SPTBN1: variants seen among roughly 807,000 people sequenced by gnomAD.
SPTBN1 encodes spectrin beta, non-erythrocytic 1.
A neutral mutation model predicts 266.4 loss-of-function variants in SPTBN1; 32 were observed. The observed-to-expected ratio is 0.12, with a 90% CI of 0.09 to 0.16. The LOEUF is 0.16. Among genes scored for constraint, SPTBN1 ranks in the 10% least tolerant of loss-of-function variants. The probability of loss-of-function intolerance (pLI) is 1.00; values close to 1 mark genes in which losing one functional copy is unlikely to be tolerated. For synonymous variants in SPTBN1, 1,336 were observed against 1,162.2 expected (o/e 1.15, Z -3.04); for missense variants, 2,296 against 3,067.1 (o/e 0.75, Z 5.94).
At chr2:54,544,792 T>G (rs952298595) in intron 2 of SPTBN1, among the ~76,000 whole-genome samples, 6 of 152,218 alleles carry the variant, frequency 3.9e-5, no homozygotes, top group Non-Finnish European at 7.3e-5. Context: ...TATTTTTTAT[T>G]ATACTTTAAG....
chr2:54,471,795 T>A (rs1693931284), intron 1 of SPTBN1, among the ~76,000 whole-genome samples: 2 of 123,592 alleles, frequency 1.6e-5, no homozygotes, highest in African/African-American at 3.2e-5. Flanking sequence ...TCCTCTTTTT[T>A]ATCGATTTTT....
chr2:54,614,329 C>T (rs1231995191), intron 4 of SPTBN1, among the ~76,000 whole-genome samples: 8 of 152,140 alleles, frequency 5.3e-5, no homozygotes, highest in East Asian at 3.8e-4. Flanking sequence ...GTACCTACAA[C>T]GGTCTCTCCT....
chr2:54,575,758 T>G (rs1674416766), intron 2 of SPTBN1, among the ~76,000 whole-genome samples: 1 of 152,244 alleles, frequency 6.6e-6, no homozygotes, highest in South Asian at 2.1e-4. Context: ...AGGCTCAGTT[T>G]CGATGTATCG....
At chr2:54,486,358 T>TC (rs1447046581) in intron 1 of SPTBN1, among the ~76,000 whole-genome samples, 6 of 152,094 alleles carry the variant, frequency 3.9e-5, no homozygotes, top group African/African-American at 1.4e-4. Flanking sequence ...GGGAGACTTT[T>TC]CATTTTGTTC....
Position 54,649,971 on chromosome 2 carries a change from C to T in SPTBN1, c.5559C>T (p.Ile1853=), listed in dbSNP as rs11541290. The T allele has an allele frequency of 1.2e-6, 2 of 1,609,406 alleles. No homozygotes were observed. The highest frequency in any genetic ancestry group is 1.7e-6 in the Non-Finnish European group (2 of 1,177,048). The change falls in exon 26 of 36, where the codon ATC becomes ATT. Residue 1853 remains isoleucine, a synonymous_variant. Transcript: ENST00000356805. The surrounding 1 kb of genome is among the most constrained non-coding windows in gnomAD (Gnocchi z 6.7). ...QRMHTTFEHD[I]QALGTQVRQL... Reference sequence around the variant, plus strand: ...TGCACACTACATTTGAGCATGACATCCAGGCTCTGGGCACACAGGTGGGTA... The same window carrying T: ...TGCACACTACATTTGAGCATGACATTCAGGCTCTGGGCACACAGGTGGGTA...
chr2:54,660,055 C>T (rs763683647), intron 32 of SPTBN1, 56 bp downstream of exon 32: 1 of 1,614,234 alleles, frequency 6.2e-7, no homozygotes. Flanking sequence ...AGCAGACGGA[C>T]AGCCAGTGAC....
intron 3 of SPTBN1, among the ~76,000 whole-genome samples, chr2:54,604,941 C>T (rs1450024397): frequency 6.6e-6 from 1 of 152,196 alleles, no homozygotes; most frequent in African/African-American, 2.4e-5. Context: ...CGACCCTTGG[C>T]CCCACGTTAA....
chr2:54,528,455 CATA>C (rs929916156), intron 2 of SPTBN1: 3 of 152,566 alleles, frequency 2.0e-5, no homozygotes, highest in African/African-American at 7.2e-5. Flanking sequence ...TAACTGTAGT[CATA>C]ATAATAGCAA....
chr2:54,628,347 A>T lies in SPTBN1; in HGVS notation c.1798+97A>T, dbSNP rs1678492513. 7.1e-7 allele frequency: 1 copy of T among 1,405,096 alleles called. No homozygotes were observed. Among genetic ancestry groups the T allele is most frequent in the Admixed American group, 2.8e-5 (1 of 35,208 alleles). 87.0% of individuals were successfully genotyped at this position (1,405,096 alleles called of 1,614,324 possible). A position where few individuals can be genotyped will look rare whatever the true frequency, so the allele number is the denominator to read the frequency against. On this transcript the variant is annotated intron_variant, in intron 13 of 35. Coordinates refer to ENST00000356805, the MANE Select transcript of SPTBN1 (RefSeq NM_003128.3). The surrounding 1 kb of genome is among the most constrained non-coding windows in gnomAD (Gnocchi z 4.3). ...TTTTGAAGTTACTGTGCCACTATAC[A>T]TTCCTGGTGGGTTTGTCATGGGAGC...
At position 54,554,342 on chromosome 2, in the gene SPTBN1, C is replaced by A. The variant is rs1485491148; in HGVS notation, c.148+27776C>A. On this transcript the variant is annotated intron_variant, in intron 2 of 35. Coordinates refer to ENST00000356805, the MANE Select transcript of SPTBN1 (RefSeq NM_003128.3). This position sits in a 1 kb window ranked among gnomAD's most constrained non-coding sequence, Gnocchi z 4.5. ...GGGCAAGGCACTGTATTTCTGTGAA[C>A]CTCAGCTACCTTGGTTGCAAAATGG... Among the ~76,000 whole-genome samples, 1 of 152,156 alleles carries A rather than the reference C, an allele frequency of 6.6e-6. No individual in the cohort carries two copies. The highest frequency in any genetic ancestry group is 2.4e-5 in the African/African-American group (1 of 41,430).
chr2:54,552,944 G>C (rs1330032249), intron 2 of SPTBN1, among the ~76,000 whole-genome samples: 1 of 152,264 alleles, frequency 6.6e-6, no homozygotes, highest in Non-Finnish European at 1.5e-5. Context: ...TGGGCCTTGA[G>C]TGGGAGGTGC....
intron 2 of SPTBN1, among the ~76,000 whole-genome samples, chr2:54,561,647 TA>T (rs1673304487): frequency 6.6e-6 from 1 of 151,550 alleles, no homozygotes; most frequent in African/African-American, 2.4e-5. Flanking sequence ...TCTATTTAGA[TA>T]AAATGGTTTA....
intron 34 of SPTBN1, among the ~76,000 whole-genome samples, chr2:54,667,208 A>C (rs1681425184): frequency 6.6e-6 from 1 of 152,252 alleles, no homozygotes; most frequent in South Asian, 2.1e-4. Flanking sequence ...ATGTGAATGT[A>C]GGGGATACAA....
chr2:54,614,083 T>C (rs1573531620), intron 4 of SPTBN1, among the ~76,000 whole-genome samples: 1 of 152,212 alleles, frequency 6.6e-6, no homozygotes, highest in African/African-American at 2.4e-5. Context: ...TAAATGCTGA[T>C]GTGTATTTTC....
chr2:54,584,636 A>G (rs144957519), intron 2 of SPTBN1, among the ~76,000 whole-genome samples: 10 of 152,330 alleles, frequency 6.6e-5, no homozygotes, highest in East Asian at 3.9e-4. Context: ...CAGAACATCT[A>G]TAAGTTTCCA....
In SPTBN1 at chr2:54,655,896, A is replaced by C; in HGVS notation, c.5962-18A>C. On this transcript the variant is annotated intron_variant, in intron 28 of 35. Coordinates refer to ENST00000356805, the MANE Select transcript of SPTBN1 (RefSeq NM_003128.3). ...TGCATTCCATTAAGATGTCCCGGGG[A>C]TCCTCTTTTTCATACAGATCAAGGA... 6.2e-7 allele frequency: 1 copy of C among 1,601,708 alleles called. No homozygotes were observed. Among genetic ancestry groups the C allele is most frequent in the Non-Finnish European group, 8.5e-7 (1 of 1,170,062 alleles).
intron 2 of SPTBN1, among the ~76,000 whole-genome samples, chr2:54,590,093 G>T (rs1214540334): frequency 6.6e-6 from 1 of 152,202 alleles, no homozygotes; most frequent in Non-Finnish European, 1.5e-5. Flanking sequence ...GTACAGGTAT[G>T]TGGTGGCAAT....
chr2:54,659,868 CTTTCTTACTG>C, intron 31 of SPTBN1, 58 bp from the exon 32 acceptor site: 1 of 1,557,904 alleles, frequency 6.4e-7, no homozygotes, highest in South Asian at 1.2e-5. Flanking sequence ...TTCTCCCACC[CTTTCTTACTG>C]TTTCCTCTTT....
intron 18 of SPTBN1, among the ~76,000 whole-genome samples, chr2:54,640,874 A>G (rs1679488509): frequency 6.6e-6 from 1 of 152,208 alleles, no homozygotes; most frequent in African/African-American, 2.4e-5. Context: ...TTAATGTGAT[A>G]TCCTGAAAAA....
Sources: allele counts gnomAD v4.1 joint callset (sites outside exome capture counted in the v4.1 genomes callset), GRCh38; gene constraint gnomAD v4.1.1; non-coding constraint Gnocchi (gnomAD v3.1); transcripts MANE v1.5; gene names NCBI Gene and HGNC (gene_info 2026-07-23, HGNC 2026-07-21).